Variants in TNFSF4 observed in about 807,000 individuals in gnomAD.
TNFSF4 encodes the protein TNF superfamily member 4, also known as tumor necrosis factor ligand superfamily member 4.
TNFSF4 carries 4 observed loss-of-function variants against 7.3 expected under a neutral mutation model. The ratio of observed to expected loss-of-function variants is 0.55; its 90% CI spans 0.27 to 1.25. The LOEUF is 1.25. Ranked by LOEUF, TNFSF4 falls within the 50% of genes most tolerant of loss-of-function variation. TNFSF4 has a pLI of 0.12. For synonymous variants in TNFSF4, 76 were observed against 83.7 expected (o/e 0.91, Z 0.50); for missense variants, 181 against 208.8 (o/e 0.87, Z 0.82).
At chr1:173,315,565 C>A in the TNFSF4 span, among the ~76,000 whole-genome samples, 4 of 152,178 alleles carry the variant, frequency 2.6e-5, no homozygotes, top group South Asian at 8.3e-4. Flanking sequence ...AAAAAATGTA[C>A]CATTCAAGTA....
At chr1:173,244,459 G>T in the TNFSF4 span, among the ~76,000 whole-genome samples, 1 of 151,488 alleles carries the variant, frequency 6.6e-6, no homozygotes, top group Non-Finnish European at 1.5e-5. Flanking sequence ...CGGCTAAAAC[G>T]GTGAAACCCC....
chr1:173,202,338 T>C (rs1201371425), intron 1 of TNFSF4, among the ~76,000 whole-genome samples: 1 of 152,208 alleles, frequency 6.6e-6, no homozygotes, highest in Admixed American at 6.6e-5. Context: ...TTCTGTCCTA[T>C]TTTGAATACC....
At chr1:173,327,145 C>T in the TNFSF4 span, among the ~76,000 whole-genome samples, 1 of 152,166 alleles carries the variant, frequency 6.6e-6, no homozygotes. Flanking sequence ...ACCAAAACAG[C>T]ATAGTACTGG....
chr1:173,292,281 C>A, the TNFSF4 span, among the ~76,000 whole-genome samples: 1 of 152,244 alleles, frequency 6.6e-6, no homozygotes, highest in Admixed American at 6.5e-5. Flanking sequence ...AAAGTTAATT[C>A]ACCATGATCA....
the TNFSF4 span, chr1:173,363,118 C>T: frequency 5.8e-6 from 2 of 341,934 alleles, no homozygotes; most frequent in South Asian, 6.4e-5. Context: ...TTGCTACCAA[C>T]TCTTACATTT....
the TNFSF4 span, among the ~76,000 whole-genome samples, chr1:173,344,992 C>A: frequency 1.4e-4 from 22 of 152,308 alleles, 1 homozygote; most frequent in African/African-American, 5.3e-4. Flanking sequence ...TGTTTCAATA[C>A]TGAATATTTA....
At chr1:173,437,296 C>A in the TNFSF4 span, among the ~76,000 whole-genome samples, 10 of 152,162 alleles carry the variant, frequency 6.6e-5, no homozygotes, top group African/African-American at 2.2e-4. Context: ...TTGTGAATTA[C>A]CCAACCTGAG....
the TNFSF4 span, among the ~76,000 whole-genome samples, chr1:173,235,406 T>G: frequency 2.0e-5 from 3 of 152,220 alleles, no homozygotes; most frequent in Non-Finnish European, 2.9e-5. Context: ...CCCCAATTTA[T>G]AAGGCGTGGA....
At chr1:173,357,366 G>A in the TNFSF4 span, among the ~76,000 whole-genome samples, 9 of 152,160 alleles carry the variant, frequency 5.9e-5, no homozygotes, top group South Asian at 2.1e-4. Context: ...CCATGGGTGC[G>A]GGAGGGAAGG....
At chr1:173,263,273 A>C in the TNFSF4 span, among the ~76,000 whole-genome samples, 1 of 152,236 alleles carries the variant, frequency 6.6e-6, no homozygotes, top group African/African-American at 2.4e-5. Context: ...ACAGAATTAG[A>C]AAAAATTATT....
chr1:173,201,937 T>G (rs1649959195), intron 1 of TNFSF4, among the ~76,000 whole-genome samples: 2 of 152,122 alleles, frequency 1.3e-5, no homozygotes, highest in Non-Finnish European at 2.9e-5. Context: ...ATAACAACAC[T>G]GTATGTAGCT....
At chr1:173,382,995 C>A in the TNFSF4 span, among the ~76,000 whole-genome samples, 2 of 152,076 alleles carry the variant, frequency 1.3e-5, no homozygotes, top group African/African-American at 4.8e-5. Flanking sequence ...TTTTAAAAAA[C>A]AAACTTGAGC....
the TNFSF4 span, among the ~76,000 whole-genome samples, chr1:173,336,288 C>T: frequency 5.3e-5 from 8 of 152,320 alleles, no homozygotes; most frequent in Non-Finnish European, 1.0e-4. Context: ...ATTTCCACCA[C>T]ACTCCCATTC....
At chr1:173,254,677 C>A in the TNFSF4 span, among the ~76,000 whole-genome samples, 1 of 152,086 alleles carries the variant, frequency 6.6e-6, no homozygotes, top group Non-Finnish European at 1.5e-5. Flanking sequence ...GTAGGAATCA[C>A]CAGATCAAGG....
intron 1 of TNFSF4, among the ~76,000 whole-genome samples, chr1:173,204,924 A>ACACAAACACAC (rs1557886815): frequency 5.3e-5 from 7 of 131,606 alleles, no homozygotes; most frequent in African/African-American, 1.8e-4. Context: ...CACACACACA[A>ACACAAACACAC]ACACACACAC....
At chr1:173,447,150 G>A in the TNFSF4 span, among the ~76,000 whole-genome samples, 1 of 152,142 alleles carries the variant, frequency 6.6e-6, no homozygotes, top group Non-Finnish European at 1.5e-5. Flanking sequence ...ATTATATATT[G>A]TATGATTCCT....
At chr1:173,247,056 C>G in the TNFSF4 span, among the ~76,000 whole-genome samples, 9 of 152,126 alleles carry the variant, frequency 5.9e-5, no homozygotes, top group African/African-American at 2.2e-4. Flanking sequence ...CCTACCAAAC[C>G]TTGTCTCAGA....
chr1:173,257,396 G>C, the TNFSF4 span, among the ~76,000 whole-genome samples: 4 of 152,200 alleles, frequency 2.6e-5, no homozygotes, highest in African/African-American at 7.2e-5. Context: ...ACTACCCAGA[G>C]TTGGGCCAAA....
chr1:173,395,965 C>A, the TNFSF4 span, among the ~76,000 whole-genome samples: 1 of 152,108 alleles, frequency 6.6e-6, no homozygotes. Flanking sequence ...AAGGGATTAA[C>A]CCTGAATTTC....
Sources: gnomAD v4.1 joint callset for allele counts (sites outside exome capture counted in the v4.1 genomes callset) on GRCh38, gnomAD v4.1.1 for gene constraint, MANE v1.5 for transcripts, NCBI Gene and HGNC (gene_info 2026-07-23, HGNC 2026-07-21) for gene names.